CAMKK2: variants seen among roughly 807,000 people sequenced by gnomAD.
The protein encoded by CAMKK2 is calcium/calmodulin dependent protein kinase kinase 2, also known as calcium/calmodulin-dependent protein kinase kinase 2.
Under a neutral mutation model 67.2 loss-of-function variants are expected in CAMKK2, and 30 were observed. The observed-to-expected ratio is 0.45, with a 90% CI of 0.33 to 0.61. The LOEUF is 0.61. Ranked by LOEUF, CAMKK2 falls within the 20% of genes least tolerant of loss-of-function variation. The probability of loss-of-function intolerance (pLI) is 0.02; values close to 1 mark genes in which losing one functional copy is unlikely to be tolerated. For missense variants in CAMKK2, 643 were observed against 802.0 expected, an observed-to-expected ratio of 0.80 and a Z score of 2.39; for synonymous variants, 322 against 326.2, an observed-to-expected ratio of 0.99 and a Z score of 0.14.
chr12:121,253,517 C>T lies in CAMKK2; in HGVS notation c.908-45G>A, dbSNP rs1305224200. On this transcript the variant is annotated intron_variant, in intron 9 of 16. Coordinates refer to ENST00000404169, the MANE Select transcript of CAMKK2 (RefSeq NM_001270485.2). This position sits in a 1 kb window ranked among gnomAD's most constrained non-coding sequence, Gnocchi z 5.0. Reference sequence around the variant, plus strand: ...AGGTGGGAGATAGGGGCAGGAAAACCTCGTGAGCACCTCTATGCGGCCACA... The same window carrying T: ...AGGTGGGAGATAGGGGCAGGAAAACTTCGTGAGCACCTCTATGCGGCCACA... 6.6e-7 allele frequency: 1 copy of T among 1,522,796 alleles called. No homozygotes were observed. The highest frequency in any genetic ancestry group is 1.4e-5 in the African/African-American group (1 of 73,150). The allele number at this position is 1,522,796 out of a possible 1,614,324, so 94.3% of individuals were successfully genotyped here.
chr12:121,254,829 T>C (rs1014028233), intron 9 of CAMKK2, among the ~76,000 whole-genome samples: 1 of 152,100 alleles, frequency 6.6e-6, no homozygotes, highest in African/African-American at 2.4e-5. Flanking sequence ...TGTTTCCCAC[T>C]ATGATGGTTG....
Position 121,274,501 on chromosome 12 carries a change from G to T in CAMKK2, c.26C>A (p.Pro9His). ...CTGGGGGGCGGCCCGGTTGCTGCTGGGCTGGCTAGAGACACATGATGACAT... is the reference window on the plus strand; with the variant it reads ...CTGGGGGGCGGCCCGGTTGCTGCTGTGCTGGCTAGAGACACATGATGACAT... MSSCVSSQ[P>H]SSNRAAPQDE... Residue 9 changes from proline to histidine, a missense_variant, in exon 2 of 17, where the codon CCC becomes CAC. Around this residue, in one of 3 missense-constraint regions of CAMKK2, gnomAD observed 483 missense variants for 625.8 expected, o/e 0.77. Transcript: ENST00000404169. The T allele has an allele frequency of 6.2e-7, 1 of 1,612,084 alleles. No individual in the cohort carries two copies. Among genetic ancestry groups the T allele is most frequent in the Non-Finnish European group, 8.5e-7 (1 of 1,179,836 alleles).
In CAMKK2 at chr12:121,240,728, G is replaced by A. The variant is rs562414798; in HGVS notation, c.1738C>T (p.Arg580Trp). 17 of 1,607,090 alleles carry A rather than the reference G, an allele frequency of 1.1e-5. No individual in the cohort carries two copies. The East Asian group carries it at 2.2e-4, about 21-fold the overall frequency. The change falls in exon 17 of 17, where the codon CGG (arginine) becomes TGG (tryptophan). Residue 580 changes from arginine (R) to tryptophan (W), a missense_variant. Transcript: ENST00000404169. The surrounding 1 kb of genome is among the most constrained non-coding windows in gnomAD (Gnocchi z 4.4). Reference sequence around the variant, plus strand: ...TCGGGCTCCATGGCCTCCTCCGGCCGCAGTGGATGCATGCGTGCGGGGGAG... The same window carrying A: ...TCGGGCTCCATGGCCTCCTCCGGCCACAGTGGATGCATGCGTGCGGGGGAG... ...PGSPARMHPLRPEEAMEPE is the reference protein window; with the variant it reads ...PGSPARMHPLWPEEAMEPE
At chr12:121,271,059 G>T in intron 2 of CAMKK2, 114 bp from the exon 3 acceptor site, 1 of 761,924 alleles carries the variant, frequency 1.3e-6, no homozygotes, top group Non-Finnish European at 2.3e-6. Context: ...AGGATCACTT[G>T]AGTTCAGGAG....
At position 121,267,593 on chromosome 12, in the gene CAMKK2, T is replaced by C. The variant is rs1894884934; in HGVS notation, c.625+1045A>G. Among the ~76,000 whole-genome samples the C allele has an allele frequency of 2.6e-5, 4 of 151,044 alleles. No individual in the cohort carries two copies. In the South Asian group the frequency reaches 8.4e-4, roughly 32 times the overall value. Reference sequence around the variant, plus strand: ...CTGCAACCTCCACCTCCTTGGTTCATGCAATTCTCCTGCCTCAGCCTCCCG... The same window carrying C: ...CTGCAACCTCCACCTCCTTGGTTCACGCAATTCTCCTGCCTCAGCCTCCCG... On this transcript the variant is annotated intron_variant, in intron 5 of 16. Coordinates refer to ENST00000404169, the MANE Select transcript of CAMKK2 (RefSeq NM_001270485.2).
intron 1 of CAMKK2, among the ~76,000 whole-genome samples, chr12:121,288,518 A>C (rs1055527548): frequency 3.3e-5 from 5 of 152,192 alleles, no homozygotes; most frequent in African/African-American, 1.2e-4. Context: ...CCTTGAAGGC[A>C]ATACCCCAAA....
intron 1 of CAMKK2, among the ~76,000 whole-genome samples, chr12:121,279,731 A>G (rs910392641): frequency 6.6e-6 from 1 of 152,150 alleles, no homozygotes; most frequent in Admixed American, 6.5e-5. Context: ...GCCATCCCCC[A>G]AGGCCTTGCC....
At chr12:121,287,794 C>T (rs976095575) in intron 1 of CAMKK2, among the ~76,000 whole-genome samples, 1 of 152,054 alleles carries the variant, frequency 6.6e-6, no homozygotes, top group Admixed American at 6.6e-5. Context: ...CACAGCAAGA[C>T]CCCATCACCA....
chr12:121,241,343 T>C (rs1888332550), intron 16 of CAMKK2, among the ~76,000 whole-genome samples: 1 of 152,196 alleles, frequency 6.6e-6, no homozygotes. Flanking sequence ...CTGCCTGGCC[T>C]GGCACACAGC....
In CAMKK2 at chr12:121,255,787, G is replaced by GGTT; in HGVS notation, c.811_813dup (p.Asn271dup). 2 of 1,613,934 alleles carry GGTT rather than the reference G, an allele frequency of 1.2e-6. No homozygotes were observed. The highest frequency in any genetic ancestry group is 1.7e-6 in the Non-Finnish European group (2 of 1,179,922). On this transcript the variant is annotated inframe_insertion, in exon 8 of 17. Coordinates refer to ENST00000404169, the MANE Select transcript of CAMKK2 (RefSeq NM_001270485.2). Reference sequence around the variant, plus strand: ...GCTGGGAGCTGGGACACTCACCCTTGGTTGACCAGTTCGAACACTGTAGGG... The same window carrying GGTT: ...GCTGGGAGCTGGGACACTCACCCTTGGTTGTTGACCAGTTCGAACACTGTAGGG...
At chr12:121,283,147 G>A (rs746184407) in intron 1 of CAMKK2, among the ~76,000 whole-genome samples, 131 of 152,254 alleles carry the variant, frequency 8.6e-4, no homozygotes, top group Non-Finnish European at 1.7e-3. Context: ...AGTGGGGTTC[G>A]GAGAAGCCGG....
intron 5 of CAMKK2, among the ~76,000 whole-genome samples, chr12:121,264,240 A>T (rs1894057254): frequency 6.6e-6 from 1 of 152,228 alleles, no homozygotes. Flanking sequence ...CTAGCTCAGC[A>T]ATCTCAACAC....
rs188575590 is a variant in CAMKK2, at chr12:121,291,631, G to T, written c.-60+5007C>A. Among the ~76,000 whole-genome samples, 9 of 152,312 alleles carry T rather than the reference G, an allele frequency of 5.9e-5. No individual in the cohort carries two copies. In the East Asian group the frequency reaches 1.7e-3, roughly 29 times the overall value. ...CCAGGGGCTGCAGGGAGGGGCACTGGGAAGAGAGAGTGACAGTTTAATGGG... is the reference window on the plus strand; with the variant it reads ...CCAGGGGCTGCAGGGAGGGGCACTGTGAAGAGAGAGTGACAGTTTAATGGG... On this transcript the variant is annotated intron_variant, in intron 1 of 16. Coordinates refer to ENST00000404169, the MANE Select transcript of CAMKK2 (RefSeq NM_001270485.2).
chr12:121,286,402 C>T (rs1489482485), intron 1 of CAMKK2, among the ~76,000 whole-genome samples: 4 of 152,246 alleles, frequency 2.6e-5, no homozygotes, highest in Non-Finnish European at 5.9e-5. Flanking sequence ...ATTTTCAACA[C>T]AAGAATCGCA....
chr12:121,297,364 C>T, upstream of CAMKK2: 1 of 319,344 alleles, frequency 3.1e-6, no homozygotes, highest in South Asian at 2.5e-5. Context: ...CAGCTGCCTG[C>T]CGACTGACCA....
intron 7 of CAMKK2, among the ~76,000 whole-genome samples, chr12:121,258,361 C>T (rs1892768208): frequency 6.6e-6 from 1 of 152,102 alleles, no homozygotes; most frequent in Non-Finnish European, 1.5e-5. Context: ...GAGACAGGGT[C>T]TTACTCTGTC....
chr12:121,292,179 G>A (rs1343802735), intron 1 of CAMKK2, among the ~76,000 whole-genome samples: 1 of 151,654 alleles, frequency 6.6e-6, no homozygotes, highest in Non-Finnish European at 1.5e-5. Flanking sequence ...AGGCAGGAGT[G>A]CAGTGGCACG....
rs756570262 is a variant in CAMKK2, at chr12:121,290,219, T to C, written c.-60+6419A>G. 7.9e-5 allele frequency among the ~76,000 whole-genome samples: 12 copies of C among 152,300 alleles called. No homozygotes were observed. In the South Asian group the frequency reaches 1.0e-3, roughly 13 times the overall value. On this transcript the variant is annotated intron_variant, in intron 1 of 16. Transcript: ENST00000404169. ...CCTTCCTCTCAGGCCAGCTTTCCAT[T>C]TCTGCTTTCTGGGCGGGTATTCCTG... is the stretch of plus-strand genomic sequence containing the variant.
At chr12:121,247,217 G>T (rs951941174) in intron 14 of CAMKK2, among the ~76,000 whole-genome samples, 1 of 151,850 alleles carries the variant, frequency 6.6e-6, no homozygotes, top group Non-Finnish European at 1.5e-5. Context: ...CTCCATTAGG[G>T]GCATGTCCTG....
Sources: allele counts gnomAD v4.1 joint callset (sites outside exome capture counted in the v4.1 genomes callset), GRCh38; gene constraint gnomAD v4.1.1; regional missense constraint gnomAD v4.1.1; non-coding constraint Gnocchi (gnomAD v3.1); transcripts MANE v1.5; gene names NCBI Gene and HGNC (gene_info 2026-07-23, HGNC 2026-07-21).